Variants in DNER observed in about 807,000 individuals in gnomAD.
DNER encodes delta/notch like EGF repeat containing.
A neutral mutation model predicts 78.2 loss-of-function variants in DNER; 33 were observed. The observed-to-expected ratio is 0.42, with a 90% CI of 0.32 to 0.56. The LOEUF is 0.56. DNER is among the 20% of genes least tolerant of loss of function. The pLI, the probability that DNER is intolerant of heterozygous loss-of-function variation, is 0.11. For synonymous variants in DNER, 417 were observed against 384.8 expected, an observed-to-expected ratio of 1.08 and a Z score of -0.98; for missense variants, 918 against 975.3, an observed-to-expected ratio of 0.94 and a Z score of 0.78.
chr2:229,578,608 C>T (rs970012492), intron 4 of DNER, among the ~76,000 whole-genome samples: 2 of 152,250 alleles, frequency 1.3e-5, no homozygotes. Flanking sequence ...GGAACTTTTC[C>T]CCCTTTCAAT....
At chr2:229,578,209 G>A (rs1355593628) in intron 4 of DNER, among the ~76,000 whole-genome samples, 1 of 152,094 alleles carries the variant, frequency 6.6e-6, no homozygotes, top group Non-Finnish European at 1.5e-5. Flanking sequence ...CTTCTGGCAT[G>A]TCCTGGTCGG....
intron 8 of DNER, among the ~76,000 whole-genome samples, chr2:229,436,516 A>G (rs912751278): frequency 9.2e-5 from 14 of 152,326 alleles, no homozygotes; most frequent in Admixed American, 7.8e-4. Flanking sequence ...GATGTCAAAA[A>G]TGAAAGAAAA....
chr2:229,539,661 G>A (rs1410381148), intron 5 of DNER, among the ~76,000 whole-genome samples: 5 of 152,032 alleles, frequency 3.3e-5, no homozygotes, highest in African/African-American at 4.8e-5. Context: ...TTCTCGTCCC[G>A]TTGATAGACA....
At chr2:229,634,990 T>C (rs1698503080) in intron 1 of DNER, among the ~76,000 whole-genome samples, 1 of 152,242 alleles carries the variant, frequency 6.6e-6, no homozygotes, top group African/African-American at 2.4e-5. Flanking sequence ...ACAGCTTGAC[T>C]GTCAGTTTTT....
intron 1 of DNER, among the ~76,000 whole-genome samples, chr2:229,602,086 C>T (rs1425168666): frequency 2.6e-5 from 4 of 151,226 alleles, no homozygotes; most frequent in Non-Finnish European, 2.9e-5. Flanking sequence ...ATTTTTGTTT[C>T]GCCTCTCATC....
chr2:229,515,639 A>ATTTTTTTTTTTTTTTTT (rs1162899815), intron 5 of DNER, among the ~76,000 whole-genome samples: 2 of 71,538 alleles, frequency 2.8e-5, no homozygotes, highest in African/African-American at 4.2e-5. Flanking sequence ...AGTTAGCTTT[A>ATTTTTTTTTTTTTTTTT]TTTTTTTATT....
At chr2:229,438,210 G>C (rs1317808283) in intron 8 of DNER, among the ~76,000 whole-genome samples, 1 of 152,222 alleles carries the variant, frequency 6.6e-6, no homozygotes, top group Non-Finnish European at 1.5e-5. Flanking sequence ...GCTTCTCTGT[G>C]CTGGGAAGTA....
intron 1 of DNER, among the ~76,000 whole-genome samples, chr2:229,644,213 C>T (rs1369289635): frequency 6.6e-6 from 1 of 151,924 alleles, no homozygotes; most frequent in Non-Finnish European, 1.5e-5. Context: ...TGTTTTGATA[C>T]AGGCATGCAA....
Position 229,453,820 on chromosome 2 carries a change from TAAATGGACAGAC to T in DNER, c.1262-6292_1262-6281del, listed in dbSNP as rs534034567. Among the ~76,000 whole-genome samples, 17 of 145,672 alleles carry T rather than the reference TAAATGGACAGAC, an allele frequency of 1.2e-4. No individual in the cohort carries two copies. In the East Asian group the frequency reaches 3.4e-3, roughly 29 times the overall value. On this transcript the variant is annotated intron_variant, in intron 7 of 12. Transcript: ENST00000341772. Reference sequence around the variant, plus strand: ...TGGTAGGCATTTGACCAGGGACAGATAAATGGACAGACAGGCAGACAGACGGATGGATGAATA... The same window carrying T: ...TGGTAGGCATTTGACCAGGGACAGATAGGCAGACAGACGGATGGATGAATA...
chr2:229,488,727 A>G (rs1695331931), intron 6 of DNER, among the ~76,000 whole-genome samples: 1 of 152,250 alleles, frequency 6.6e-6, no homozygotes, highest in Non-Finnish European at 1.5e-5. Context: ...GGCCAGACAC[A>G]GTGGGCAGGA....
chr2:229,680,317 G>A (rs1242314159), intron 1 of DNER, among the ~76,000 whole-genome samples: 1 of 152,104 alleles, frequency 6.6e-6, no homozygotes, highest in Non-Finnish European at 1.5e-5. Context: ...GCTGCATCAG[G>A]GAAAAAGGTT....
chr2:229,515,267 G>A (rs544908274), intron 5 of DNER, among the ~76,000 whole-genome samples: 1 of 152,272 alleles, frequency 6.6e-6, no homozygotes, highest in African/African-American at 2.4e-5. Flanking sequence ...TGTCTTCTAA[G>A]GACAATCTTG....
chr2:229,417,085 A>G (rs1480999323), intron 9 of DNER, among the ~76,000 whole-genome samples: 1 of 152,218 alleles, frequency 6.6e-6, no homozygotes, highest in African/African-American at 2.4e-5. Flanking sequence ...ACCGAACGTC[A>G]TACTCCAACA....
chr2:229,415,380 G>T (rs564871620), intron 9 of DNER, among the ~76,000 whole-genome samples: 1 of 152,174 alleles, frequency 6.6e-6, no homozygotes. Context: ...ACCCTTGTGA[G>T]CCCCTGAGCT....
intron 5 of DNER, among the ~76,000 whole-genome samples, chr2:229,516,985 C>T (rs893992821): frequency 6.6e-6 from 1 of 150,710 alleles, no homozygotes; most frequent in African/African-American, 2.4e-5. Context: ...GTGGCACGTG[C>T]CTGTAGTCCC....
intron 6 of DNER, among the ~76,000 whole-genome samples, chr2:229,491,544 G>C (rs898263453): frequency 7.2e-5 from 11 of 152,144 alleles, no homozygotes; most frequent in Non-Finnish European, 1.6e-4. Flanking sequence ...TATTTCCTCT[G>C]CCTGCAATCC....
intron 6 of DNER, among the ~76,000 whole-genome samples, chr2:229,508,796 G>T (rs1040268381): frequency 4.6e-5 from 7 of 152,110 alleles, no homozygotes; most frequent in Non-Finnish European, 7.4e-5. Flanking sequence ...CAGGAGAATG[G>T]CGTGAACCTG....
chr2:229,561,409 A>G (rs1696957691), intron 4 of DNER, among the ~76,000 whole-genome samples: 2 of 152,162 alleles, frequency 1.3e-5, no homozygotes, highest in Non-Finnish European at 2.9e-5. Context: ...GCTTATTCTC[A>G]ACAAACCTTA....
In DNER at chr2:229,512,034, G is replaced by C. The variant is rs1574877968; in HGVS notation, c.1147+749C>G. Among the ~76,000 whole-genome samples, 2 of 152,274 alleles carry C rather than the reference G, an allele frequency of 1.3e-5. 1 individual carries two copies. Among genetic ancestry groups the C allele is most frequent in the Middle Eastern group, 6.8e-3 (2 of 294 alleles). ...AGCTCAAATGCCCATCAATCAACGAGTGGATAAAGAAACTGTGGTATATAT... is the reference window on the plus strand; with the variant it reads ...AGCTCAAATGCCCATCAATCAACGACTGGATAAAGAAACTGTGGTATATAT... On this transcript the variant is annotated intron_variant, in intron 6 of 12. Transcript: ENST00000341772.
Sources: gnomAD v4.1 joint callset for allele counts (sites outside exome capture counted in the v4.1 genomes callset) on GRCh38, gnomAD v4.1.1 for gene constraint, MANE v1.5 for transcripts, NCBI Gene and HGNC (gene_info 2026-07-23, HGNC 2026-07-21) for gene names.